ZNF83: variants seen among roughly 807,000 people sequenced by gnomAD.
ZNF83 encodes the protein zinc finger protein 83.
For missense variants in ZNF83, 552 were observed against 629.9 expected, an observed-to-expected ratio of 0.88 and a Z score of 1.32; for synonymous variants, 209 against 213.0, an observed-to-expected ratio of 0.98 and a Z score of 0.17.
rs1325664132 is a variant in ZNF83 at position 52,628,516 on chromosome 19, G to A, written c.-234+6550C>T. ...TCCGTGGACCCAAAACTCGGGCGCCGGTCACGGAGTAGGGAAGGCAGCCTT... is the reference window on the plus strand; with the variant it reads ...TCCGTGGACCCAAAACTCGGGCGCCAGTCACGGAGTAGGGAAGGCAGCCTT... On this transcript the variant is annotated intron_variant, in intron 2 of 2. Coordinates refer to ENST00000301096, the Ensembl canonical transcript of ZNF83. 5.3e-5 allele frequency among the ~76,000 whole-genome samples: 8 copies of A among 152,232 alleles called. No homozygotes were observed. In the South Asian group the frequency reaches 8.3e-4, roughly 16 times the overall value.
At chr19:52,649,226 A>G (rs2061412822) in intron 3 of ZNF83, among the ~76,000 whole-genome samples, 1 of 152,154 alleles carries the variant, frequency 6.6e-6, no homozygotes, top group African/African-American at 2.4e-5. Flanking sequence ...GCTTTGGGAT[A>G]TTGAAATCCC....
intron 1 of ZNF83, among the ~76,000 whole-genome samples, chr19:52,690,199 C>A (rs927623687): frequency 0.014 from 1,957 of 135,952 alleles, 12 homozygotes; most frequent in African/African-American, 0.017. Context: ...AAAAAAAAAA[C>A]AACAACAACT....
At chr19:52,682,001 C>T (rs1351930200) in intron 1 of ZNF83, among the ~76,000 whole-genome samples, 1 of 152,124 alleles carries the variant, frequency 6.6e-6, no homozygotes, top group African/African-American at 2.4e-5. Context: ...GCACCTGCCA[C>T]CACACCCAGC....
At chr19:52,639,415 A>ATTT (rs1160711365), upstream of ZNF83, among the ~76,000 whole-genome samples, 1,212 of 86,168 alleles carry the variant, frequency 0.014, 28 homozygotes, top group African/African-American at 0.038. Context: ...AGTTTTTTCT[A>ATTT]TTTTTTTTTT....
At chr19:52,622,262 T>A (rs1157747279) in intron 2 of ZNF83, among the ~76,000 whole-genome samples, 1 of 152,182 alleles carries the variant, frequency 6.6e-6, no homozygotes, top group Non-Finnish European at 1.5e-5. Context: ...TACCATTTTC[T>A]CTATCAGACC....
At chr19:52,638,596 A>G (rs1248438519), upstream of ZNF83, among the ~76,000 whole-genome samples, 1 of 152,234 alleles carries the variant, frequency 6.6e-6, no homozygotes, top group African/African-American at 2.4e-5. Context: ...AAAGCCCTGG[A>G]ATTATCTGGA....
At chr19:52,667,379 A>G (rs926083529) in intron 1 of ZNF83, among the ~76,000 whole-genome samples, 1 of 152,208 alleles carries the variant, frequency 6.6e-6, no homozygotes, top group Admixed American at 6.5e-5. Flanking sequence ...TGTCTGTCAA[A>G]GTTGTGAAAA....
At chr19:52,655,810 G>T in intron 2 of ZNF83, 10 of 530,452 alleles carry the variant, frequency 1.9e-5, no homozygotes, top group East Asian at 6.4e-5. Context: ...CCCACATTAA[G>T]GTATTTTTGA....
At chr19:52,684,816 G>A (rs1378333701) in intron 1 of ZNF83, among the ~76,000 whole-genome samples, 2 of 152,178 alleles carry the variant, frequency 1.3e-5, no homozygotes, top group African/African-American at 4.8e-5. Flanking sequence ...TGTGACTGGG[G>A]CAGAGGGAGT....
chr19:52,664,184 ATTT>A (rs57600625), intron 1 of ZNF83, among the ~76,000 whole-genome samples: 245 of 141,780 alleles, frequency 1.7e-3, no homozygotes, highest in African/African-American at 2.4e-3. Context: ...CACCAGGCCT[ATTT>A]TTTTTTTTTT....
rs1568588659 is a variant in ZNF83, at chr19:52,687,572, T to G, written c.-283+2871A>C. 1.4e-3 allele frequency among the ~76,000 whole-genome samples: 49 copies of G among 36,154 alleles called. 16 individuals are homozygous for G. The highest frequency in any genetic ancestry group is 2.3e-3 in the African/African-American group (17 of 7,282). 23.7% of individuals were successfully genotyped at this position (36,154 alleles called of 152,430 possible). On this transcript the variant is annotated intron_variant, in intron 1 of 5. Coordinates refer to the ZNF83 transcript ENST00000594682. ...TATATGTGTAAATTTTATATATATA[T>G]AAATTTTATATATATATATATATAA...
intron 3 of ZNF83, chr19:52,653,976 A>G: frequency 7.3e-7 from 1 of 1,373,840 alleles, no homozygotes; most frequent in South Asian, 1.2e-5. Flanking sequence ...TCCCATACCT[A>G]TTAGAAATAT....
At chr19:52,632,065 A>C (rs2060989389) in intron 2 of ZNF83, among the ~76,000 whole-genome samples, 3 of 152,158 alleles carry the variant, frequency 2.0e-5, no homozygotes, top group Admixed American at 6.5e-5. Context: ...CTTTCACTGG[A>C]TAGGTAGAGG....
chr19:52,615,898 G>A (rs1329708113), intron 2 of ZNF83, among the ~76,000 whole-genome samples: 2 of 152,170 alleles, frequency 1.3e-5, no homozygotes, highest in South Asian at 2.1e-4. Context: ...GAGTGCAATG[G>A]CACGACCTCG....
exon 3 of ZNF83, chr19:52,614,617 T>C (rs750894472): frequency 1.3e-5 from 19 of 1,493,248 alleles, no homozygotes; most frequent in Non-Finnish European, 1.6e-5. Flanking sequence ...TCGCTTATAA[T>C]GTCTTCAATC....
chr19:52,666,163 C>CAAA (rs35992506), intron 1 of ZNF83, among the ~76,000 whole-genome samples: 11 of 102,330 alleles, frequency 1.1e-4, no homozygotes, highest in African/African-American at 3.5e-4. Flanking sequence ...GACTCCATCT[C>CAAA]AAAAAAAAAA....
intron 1 of ZNF83, among the ~76,000 whole-genome samples, chr19:52,680,524 CTG>C (rs1222547564): frequency 6.6e-6 from 1 of 151,788 alleles, no homozygotes; most frequent in African/African-American, 2.4e-5. Context: ...TGATCAAAGA[CTG>C]TGTTCTGACA....
At chr19:52,653,402 G>A in intron 3 of ZNF83, 7 of 924,482 alleles carry the variant, frequency 7.6e-6, no homozygotes, top group Non-Finnish European at 1.2e-5. Context: ...CATGTGTAAG[G>A]TTTCTCTTCA....
intron 3 of ZNF83, chr19:52,653,178 G>A: frequency 1.3e-6 from 2 of 1,501,150 alleles, no homozygotes; most frequent in African/African-American, 1.4e-5. Context: ...GTCTACGATG[G>A]CCCACAAGGG....
Sources: allele counts gnomAD v4.1 joint callset (sites outside exome capture counted in the v4.1 genomes callset), GRCh38; gene constraint gnomAD v4.1.1; transcripts MANE v1.5; gene names NCBI Gene and HGNC (gene_info 2026-07-23, HGNC 2026-07-21).